MARCHF1: variants seen among roughly 807,000 people sequenced by gnomAD.
MARCHF1 encodes E3 ubiquitin-protein ligase MARCHF1.
A neutral mutation model predicts 54.2 loss-of-function variants in MARCHF1; 40 were observed. The observed-to-expected ratio is 0.74, with a 90% confidence interval of 0.57 to 0.96. The LOEUF is 0.96. Among genes scored for constraint, MARCHF1 ranks in the 40% least tolerant of loss-of-function variants. The pLI is 0.00. For missense variants in MARCHF1, 586 were observed against 656.5 expected (o/e 0.89, Z 1.17); for synonymous variants, 236 against 236.3 (o/e 1.00, Z 0.01).
chr4:163,717,893 T>G (rs1353879612), intron 4 of MARCHF1, among the ~76,000 whole-genome samples: 1 of 152,224 alleles, frequency 6.6e-6, no homozygotes, highest in African/African-American at 2.4e-5. Flanking sequence ...GCTACCTGAC[T>G]TCAAACTATG....
Position 164,360,711 on chromosome 4 carries a change from TG to T in MARCHF1, c.-323+23158del, listed in dbSNP as rs1730699329. Among the ~76,000 whole-genome samples the T allele has an allele frequency of 2.6e-5, 4 of 152,196 alleles. No individual in the cohort carries two copies. In the South Asian group the frequency reaches 8.3e-4, roughly 32 times the overall value. On this transcript the variant is annotated intron_variant, in intron 1 of 9. Transcript: ENST00000514618. ...ATGCTTGGAGAAACACTACAGTAAG[TG>T]GCCTGCAGCACTGTTCTCTCTGCTA...
intron 2 of MARCHF1, among the ~76,000 whole-genome samples, chr4:164,047,297 T>A (rs1042604532): frequency 6.6e-6 from 1 of 152,022 alleles, no homozygotes; most frequent in Non-Finnish European, 1.5e-5. Context: ...TACAACCACA[T>A]GGAAATGAGA....
At chr4:163,791,830 C>T (rs1001808471) in intron 4 of MARCHF1, among the ~76,000 whole-genome samples, 2 of 152,108 alleles carry the variant, frequency 1.3e-5, no homozygotes, top group African/African-American at 4.8e-5. Flanking sequence ...TCCTAAACTT[C>T]GGGTAAGCAT....
chr4:164,361,090 A>T (rs1561018868), intron 1 of MARCHF1, among the ~76,000 whole-genome samples: 1 of 151,712 alleles, frequency 6.6e-6, no homozygotes, highest in Non-Finnish European at 1.5e-5. Context: ...TCTTGATGAT[A>T]GTTCATCCAC....
intron 2 of MARCHF1, among the ~76,000 whole-genome samples, chr4:164,073,458 G>C (rs1754911484): frequency 6.6e-6 from 1 of 151,964 alleles, no homozygotes; most frequent in South Asian, 2.1e-4. Context: ...AGAACATATG[G>C]ACACACGGAG....
intron 1 of MARCHF1, among the ~76,000 whole-genome samples, chr4:164,145,753 AACTGGCACAAGACAGGGATGGC>A (rs1338964607): frequency 7.1e-6 from 1 of 141,284 alleles, no homozygotes. Flanking sequence ...TCCCTTTGAA[AACTGGCACAAGACAGGGATGGC>A]CTCTCTCACC....
intron 4 of MARCHF1, among the ~76,000 whole-genome samples, chr4:163,710,623 G>T (rs748717441): frequency 6.6e-6 from 1 of 152,020 alleles, no homozygotes; most frequent in Non-Finnish European, 1.5e-5. Context: ...GAGAACCAAA[G>T]ACTTTTTTTT....
At chr4:163,869,818 A>C (rs966427864) in intron 3 of MARCHF1, among the ~76,000 whole-genome samples, 2 of 152,098 alleles carry the variant, frequency 1.3e-5, no homozygotes, top group Non-Finnish European at 2.9e-5. Context: ...GTTTGACCAC[A>C]TTTCATACTC....
chr4:164,307,122 C>T (rs927314338), intron 1 of MARCHF1, among the ~76,000 whole-genome samples: 10 of 152,134 alleles, frequency 6.6e-5, no homozygotes, highest in African/African-American at 2.4e-4. Flanking sequence ...GCAGAAACTA[C>T]ACTTCCTTGC....
At chr4:164,183,756 C>T (rs771556178) in intron 1 of MARCHF1, among the ~76,000 whole-genome samples, 7 of 152,134 alleles carry the variant, frequency 4.6e-5, no homozygotes, top group Non-Finnish European at 8.8e-5. Context: ...AGAAGCCAAC[C>T]ATAACCCGGA....
At chr4:164,363,604 TG>T (rs869240197) in intron 1 of MARCHF1, among the ~76,000 whole-genome samples, 3 of 152,018 alleles carry the variant, frequency 2.0e-5, no homozygotes, top group African/African-American at 7.2e-5. Flanking sequence ...CATAAATTTT[TG>T]GGGGGAAAAA....
At chr4:163,692,482 C>T (rs1744493020) in intron 5 of MARCHF1, among the ~76,000 whole-genome samples, 1 of 152,118 alleles carries the variant, frequency 6.6e-6, no homozygotes, top group Non-Finnish European at 1.5e-5. Flanking sequence ...GAAAACAAAA[C>T]CTATGCTTGA....
At chr4:163,822,346 ACAC>A (rs1392125806) in intron 4 of MARCHF1, among the ~76,000 whole-genome samples, 1 of 151,952 alleles carries the variant, frequency 6.6e-6, no homozygotes, top group Non-Finnish European at 1.5e-5. Context: ...ATTGTTAAAA[ACAC>A]CACTGCAATC....
intron 5 of MARCHF1, among the ~76,000 whole-genome samples, chr4:163,676,211 G>T (rs1439799517): frequency 6.8e-6 from 1 of 147,498 alleles, no homozygotes; most frequent in African/African-American, 2.6e-5. Flanking sequence ...AAAAAAATTA[G>T]CTGGGCGTGG....
At chr4:163,786,687 A>G (rs1747630289) in intron 4 of MARCHF1, among the ~76,000 whole-genome samples, 1 of 151,978 alleles carries the variant, frequency 6.6e-6, no homozygotes, top group African/African-American at 2.4e-5. Context: ...GATTCAATGC[A>G]ATCCCGATCA....
At chr4:164,220,381 A>G (rs1306201237) in intron 1 of MARCHF1, among the ~76,000 whole-genome samples, 1 of 147,126 alleles carries the variant, frequency 6.8e-6, no homozygotes, top group Non-Finnish European at 1.5e-5. Context: ...TATATATTCC[A>G]TTCCTATGTA....
At chr4:164,320,611 A>G (rs1735116041) in intron 1 of MARCHF1, among the ~76,000 whole-genome samples, 1 of 152,200 alleles carries the variant, frequency 6.6e-6, no homozygotes, top group South Asian at 2.1e-4. Context: ...AAACATATAC[A>G]TTATACTTAC....
intron 1 of MARCHF1, among the ~76,000 whole-genome samples, chr4:164,229,810 A>G (rs1225304307): frequency 6.6e-6 from 1 of 152,108 alleles, no homozygotes; most frequent in Admixed American, 6.5e-5. Flanking sequence ...CACACTTTCA[A>G]ACAAGCAGAT....
At chr4:164,250,435 T>C (rs1046011235) in intron 1 of MARCHF1, among the ~76,000 whole-genome samples, 4 of 152,078 alleles carry the variant, frequency 2.6e-5, no homozygotes, top group African/African-American at 4.8e-5. Context: ...AACCTTGAAA[T>C]TGCATGGTAT....
Sources: gnomAD v4.1 joint callset for allele counts (sites outside exome capture counted in the v4.1 genomes callset) on GRCh38, gnomAD v4.1.1 for gene constraint, MANE v1.5 for transcripts, NCBI Gene and HGNC (gene_info 2026-07-23, HGNC 2026-07-21) for gene names.